Variants in MLLT3 observed in about 807,000 individuals in gnomAD.
MLLT3 encodes the protein protein AF-9.
Under a neutral mutation model 53.2 loss-of-function variants are expected in MLLT3, and 4 were observed. The ratio of observed to expected loss-of-function variants is 0.08; its 90% CI spans 0.04 to 0.17. The LOEUF (loss-of-function observed/expected upper bound fraction) is 0.17, where lower values mean the gene tolerates loss of function less well. Ranked by LOEUF, MLLT3 falls within the 10% of genes least tolerant of loss-of-function variation. MLLT3 has a pLI of 1.00. For missense variants in MLLT3, 569 were observed against 684.0 expected, an observed-to-expected ratio of 0.83 and a Z score of 1.87; for synonymous variants, 283 against 230.6, an observed-to-expected ratio of 1.23 and a Z score of -2.06.
intron 5 of MLLT3, among the ~76,000 whole-genome samples, chr9:20,379,489 A>C (rs2118691900): frequency 6.6e-6 from 1 of 152,152 alleles, no homozygotes; most frequent in Middle Eastern, 3.4e-3. Flanking sequence ...CTAAAAACAA[A>C]TCTAAATTAC....
At chr9:20,615,320 G>T (rs545841893) in intron 2 of MLLT3, among the ~76,000 whole-genome samples, 1 of 116,704 alleles carries the variant, frequency 8.6e-6, no homozygotes, top group Non-Finnish European at 1.6e-5. Context: ...CTGAAATCAC[G>T]CAATTACAAC....
intron 2 of MLLT3, among the ~76,000 whole-genome samples, chr9:20,598,747 T>C (rs1820338875): frequency 6.6e-6 from 1 of 152,214 alleles, no homozygotes. Context: ...TGCTGAGCTA[T>C]TTAAGTGAAA....
intron 2 of MLLT3, chr9:20,532,592 C>T (rs941982105): frequency 1.1e-4 from 27 of 243,950 alleles, no homozygotes; most frequent in Admixed American, 2.1e-4. Context: ...AAGGTGGCTC[C>T]GGCCCCTGCT....
At chr9:20,614,822 T>C (rs1005881359) in intron 2 of MLLT3, among the ~76,000 whole-genome samples, 3 of 148,176 alleles carry the variant, frequency 2.0e-5, no homozygotes, top group Admixed American at 6.8e-5. Flanking sequence ...TTACCTGTAA[T>C]AAATGACTAG....
chr9:20,382,035 G>C (rs1258324686), intron 5 of MLLT3, among the ~76,000 whole-genome samples: 1 of 151,874 alleles, frequency 6.6e-6, no homozygotes, highest in African/African-American at 2.4e-5. Flanking sequence ...ATGTGCTGAA[G>C]TCAGAGGAGA....
chr9:20,518,398 T>C (rs1817970938), intron 2 of MLLT3, among the ~76,000 whole-genome samples: 1 of 151,776 alleles, frequency 6.6e-6, no homozygotes, highest in Non-Finnish European at 1.5e-5. Flanking sequence ...TACAGAAAAA[T>C]TATAATTAAC....
chr9:20,372,553 A>C (rs891987398), intron 5 of MLLT3, among the ~76,000 whole-genome samples: 6 of 94,890 alleles, frequency 6.3e-5, no homozygotes, highest in Admixed American at 1.3e-4. Flanking sequence ...ACGCCCGGCT[A>C]ATTTTTTTTT....
At chr9:20,456,007 C>T (rs1823959254) in intron 3 of MLLT3, among the ~76,000 whole-genome samples, 1 of 148,590 alleles carries the variant, frequency 6.7e-6, no homozygotes, top group Admixed American at 6.7e-5. Context: ...AGTGCGATCT[C>T]GGCTCACTGC....
At chr9:20,608,336 A>G (rs1048298573) in intron 2 of MLLT3, among the ~76,000 whole-genome samples, 1 of 151,944 alleles carries the variant, frequency 6.6e-6, no homozygotes, top group African/African-American at 2.4e-5. Flanking sequence ...AGCAAGATAG[A>G]CATGTTAATT....
At chr9:20,406,012 T>C (rs1466770532) in intron 5 of MLLT3, among the ~76,000 whole-genome samples, 1 of 151,850 alleles carries the variant, frequency 6.6e-6, no homozygotes, top group Non-Finnish European at 1.5e-5. Flanking sequence ...CTCGGGAGGC[T>C]GAGGCAGCAG....
chr9:20,553,439 G>GA (rs905305363), intron 2 of MLLT3, among the ~76,000 whole-genome samples: 2 of 151,974 alleles, frequency 1.3e-5, no homozygotes, highest in African/African-American at 2.4e-5. Context: ...GGACATGAGA[G>GA]AAAAAAAATC....
At chr9:20,443,718 C>T (rs1823611641) in intron 4 of MLLT3, among the ~76,000 whole-genome samples, 1 of 152,154 alleles carries the variant, frequency 6.6e-6, no homozygotes, top group African/African-American at 2.4e-5. Context: ...GATGGTTAAG[C>T]ATCTGCTGAT....
At chr9:20,385,955 A>G (rs1193508564) in intron 5 of MLLT3, among the ~76,000 whole-genome samples, 1 of 152,048 alleles carries the variant, frequency 6.6e-6, no homozygotes, top group African/African-American at 2.4e-5. Context: ...GCCTTCTGAG[A>G]TATTTGTGTT....
intron 2 of MLLT3, among the ~76,000 whole-genome samples, chr9:20,474,133 T>A (rs913682233): frequency 2.0e-5 from 3 of 152,144 alleles, no homozygotes; most frequent in African/African-American, 7.2e-5. Flanking sequence ...CCTAAACTTA[T>A]GATTTATCTT....
At chr9:20,502,198 C>G (rs1437076010) in intron 2 of MLLT3, 1 of 153,266 alleles carries the variant, frequency 6.5e-6, no homozygotes, top group Non-Finnish European at 1.5e-5. Flanking sequence ...GCAAAAATTC[C>G]AGAGTATACA....
chr9:20,351,830 A>G (rs976513902), intron 10 of MLLT3, among the ~76,000 whole-genome samples: 3 of 152,220 alleles, frequency 2.0e-5, no homozygotes, highest in African/African-American at 7.2e-5. Flanking sequence ...TGTTTTACAA[A>G]AGGAATTAAT....
intron 5 of MLLT3, among the ~76,000 whole-genome samples, chr9:20,408,521 G>A (rs539451672): frequency 6.6e-5 from 10 of 152,204 alleles, no homozygotes; most frequent in Admixed American, 1.3e-4. Flanking sequence ...AACTGTAACC[G>A]TTCAGGTATT....
chr9:20,599,715 A>T (rs1820369333), intron 2 of MLLT3, among the ~76,000 whole-genome samples: 1 of 152,210 alleles, frequency 6.6e-6, no homozygotes, highest in Non-Finnish European at 1.5e-5. Context: ...TGACTATATA[A>T]TCTATCATCC....
In MLLT3 at chr9:20,502,775, G is replaced by A. The variant is rs1825279930; in HGVS notation, c.194-45989C>T. On this transcript the variant is annotated intron_variant, in intron 2 of 10. Transcript: ENST00000380338. Reference sequence around the variant, plus strand: ...GAACCAATCCCCTGCAGATACTGAGGAATGACTGTAGACAAACAACCCTAA... The same window carrying A: ...GAACCAATCCCCTGCAGATACTGAGAAATGACTGTAGACAAACAACCCTAA... 2.0e-5 allele frequency among the ~76,000 whole-genome samples: 3 copies of A among 152,154 alleles called. No individual in the cohort carries two copies. In the South Asian group the frequency reaches 6.2e-4, roughly 32 times the overall value.
Sources: allele counts gnomAD v4.1 joint callset (sites outside exome capture counted in the v4.1 genomes callset), GRCh38; gene constraint gnomAD v4.1.1; transcripts MANE v1.5; gene names NCBI Gene and HGNC (gene_info 2026-07-23, HGNC 2026-07-21).